ZNF804B: variants seen among roughly 807,000 people sequenced by gnomAD.
ZNF804B encodes the protein zinc finger 804B.
Under a neutral mutation model 101.4 loss-of-function variants are expected in ZNF804B, and 80 were observed. The observed-to-expected ratio is 0.79, with a 90% CI of 0.66 to 0.95. ZNF804B has a LOEUF of 0.95. ZNF804B is among the 40% of genes least tolerant of loss of function. The pLI, the probability that ZNF804B is intolerant of heterozygous loss-of-function variation, is 0.00. For missense variants in ZNF804B, 1,673 were observed against 1,561.9 expected, an observed-to-expected ratio of 1.07 and a Z score of -1.20; for synonymous variants, 622 against 558.8, an observed-to-expected ratio of 1.11 and a Z score of -1.59.
intron 1 of ZNF804B, among the ~76,000 whole-genome samples, chr7:88,825,349 A>G (rs374338157): frequency 6.6e-6 from 1 of 152,026 alleles, no homozygotes; most frequent in Non-Finnish European, 1.5e-5. Flanking sequence ...CTAGAAAAAG[A>G]AATGACTTTA....
intron 1 of ZNF804B, among the ~76,000 whole-genome samples, chr7:89,058,379 A>G (rs1789327507): frequency 1.4e-5 from 2 of 145,710 alleles, no homozygotes; most frequent in Non-Finnish European, 3.1e-5. Flanking sequence ...AAGATATTTT[A>G]TGGTATAACA....
chr7:89,146,145 T>C (rs1326213509), intron 1 of ZNF804B, among the ~76,000 whole-genome samples: 1 of 152,066 alleles, frequency 6.6e-6, no homozygotes, highest in Non-Finnish European at 1.5e-5. Flanking sequence ...TGGTCAGAGA[T>C]TGATGAGATC....
intron 2 of ZNF804B, among the ~76,000 whole-genome samples, chr7:89,254,039 A>T (rs1002817389): frequency 3.3e-5 from 5 of 152,328 alleles, no homozygotes; most frequent in African/African-American, 9.6e-5. Context: ...TATGTTATTA[A>T]TGGCACATGT....
intron 2 of ZNF804B, among the ~76,000 whole-genome samples, chr7:89,272,734 TC>T (rs1201010501): frequency 3.9e-5 from 6 of 152,096 alleles, no homozygotes; most frequent in Admixed American, 3.9e-4. Flanking sequence ...TTCATCTTTT[TC>T]CCTCTTATAG....
chr7:89,283,536 G>A (rs1176086662), intron 2 of ZNF804B, among the ~76,000 whole-genome samples: 1 of 152,048 alleles, frequency 6.6e-6, no homozygotes, highest in Non-Finnish European at 1.5e-5. Flanking sequence ...TATATAATCT[G>A]CAGGGCTATT....
At chr7:89,134,560 C>A (rs1367827582) in intron 1 of ZNF804B, among the ~76,000 whole-genome samples, 1 of 152,082 alleles carries the variant, frequency 6.6e-6, no homozygotes, top group Non-Finnish European at 1.5e-5. Context: ...CCTCTTCATG[C>A]ATAGCTGGAG....
chr7:88,857,606 T>C (rs1791584151), intron 1 of ZNF804B, among the ~76,000 whole-genome samples: 1 of 151,950 alleles, frequency 6.6e-6, no homozygotes, highest in Non-Finnish European at 1.5e-5. Flanking sequence ...GGCTCTGAAA[T>C]TGAGGCAATA....
intron 1 of ZNF804B, among the ~76,000 whole-genome samples, chr7:89,038,226 T>C (rs1394829376): frequency 6.6e-6 from 1 of 152,148 alleles, no homozygotes; most frequent in South Asian, 2.1e-4. Flanking sequence ...GTTTTTAATT[T>C]GTGAGAAACC....
At chr7:89,215,330 T>C (rs776011424) in intron 1 of ZNF804B, among the ~76,000 whole-genome samples, 1 of 152,210 alleles carries the variant, frequency 6.6e-6, no homozygotes, top group South Asian at 2.1e-4. Flanking sequence ...AATATGATAC[T>C]TAAAGAACGT....
At chr7:89,196,178 A>T (rs1427998643) in intron 1 of ZNF804B, among the ~76,000 whole-genome samples, 2 of 152,174 alleles carry the variant, frequency 1.3e-5, no homozygotes, top group East Asian at 3.9e-4. Flanking sequence ...CAATAACCAA[A>T]AGAGCATGAT....
At chr7:89,039,650 TC>T (rs1278960371) in intron 1 of ZNF804B, among the ~76,000 whole-genome samples, 4 of 110,416 alleles carry the variant, frequency 3.6e-5, no homozygotes, top group Non-Finnish European at 8.3e-5. Context: ...TCTTCAAGTG[TC>T]TTTTTTTTTT....
intron 1 of ZNF804B, among the ~76,000 whole-genome samples, chr7:89,213,664 G>C (rs1054302122): frequency 1.3e-5 from 2 of 152,198 alleles, no homozygotes; most frequent in African/African-American, 4.8e-5. Context: ...AGCGGAGACA[G>C]CCTGGAGTTA....
chr7:89,205,177 A>G (rs950206116), intron 1 of ZNF804B, among the ~76,000 whole-genome samples: 2 of 152,102 alleles, frequency 1.3e-5, no homozygotes, highest in African/African-American at 2.4e-5. Context: ...CCATGATTCA[A>G]TCACCTCCCA....
chr7:89,031,822 A>G (rs1387045898), intron 1 of ZNF804B, among the ~76,000 whole-genome samples: 1 of 152,138 alleles, frequency 6.6e-6, no homozygotes, highest in Non-Finnish European at 1.5e-5. Context: ...TTCATGTTGA[A>G]AGTGAATTTA....
rs932684531 is a variant in ZNF804B at position 89,036,363 on chromosome 7, C to T, written c.109-181792C>T. ...AACACTGATGTGCACAGACAAAATGCTTAATATTAATGAATATTAGCAGTT... is the reference window on the plus strand; with the variant it reads ...AACACTGATGTGCACAGACAAAATGTTTAATATTAATGAATATTAGCAGTT... On this transcript the variant is annotated intron_variant, in intron 1 of 3. Transcript: ENST00000333190. Among the ~76,000 whole-genome samples, 117 of 151,666 alleles carry T rather than the reference C, an allele frequency of 7.7e-4. 1 individual carries two copies. The highest frequency in any genetic ancestry group is 3.4e-3 in the Middle Eastern group (1 of 294).
At chr7:88,844,877 A>G (rs1345676442) in intron 1 of ZNF804B, among the ~76,000 whole-genome samples, 3 of 152,236 alleles carry the variant, frequency 2.0e-5, no homozygotes, top group African/African-American at 7.2e-5. Flanking sequence ...ATAATCCTTA[A>G]TTGTTGCAGA....
chr7:88,811,245 T>C (rs7787762), intron 1 of ZNF804B, among the ~76,000 whole-genome samples: 68,338 of 151,916 alleles, frequency 0.45, 16,337 homozygotes, highest in East Asian at 0.79. Context: ...TTGCAGCCAA[T>C]AAACAAGCAA....
chr7:88,865,747 C>T (rs1453497495), intron 1 of ZNF804B, among the ~76,000 whole-genome samples: 1 of 152,080 alleles, frequency 6.6e-6, no homozygotes, highest in Non-Finnish European at 1.5e-5. Context: ...TATATGGCTC[C>T]CATCTCTTTG....
intron 1 of ZNF804B, among the ~76,000 whole-genome samples, chr7:88,796,401 A>G (rs535764521): frequency 6.6e-6 from 1 of 152,098 alleles, no homozygotes; most frequent in Non-Finnish European, 1.5e-5. Context: ...ATTCTTCCTC[A>G]TTGTGATTCA....
Sources: gnomAD v4.1 joint callset for allele counts (sites outside exome capture counted in the v4.1 genomes callset) on GRCh38, gnomAD v4.1.1 for gene constraint, MANE v1.5 for transcripts, NCBI Gene and HGNC (gene_info 2026-07-23, HGNC 2026-07-21) for gene names.